The following KIDINS220 variants were observed in gnomAD, a reference collection of about 807,000 sequenced individuals.
KIDINS220 encodes the protein kinase D interacting substrate 220.
KIDINS220 carries 63 observed loss-of-function variants against 157.6 expected under a neutral mutation model. The ratio of observed to expected loss-of-function variants is 0.40; its 90% CI spans 0.33 to 0.49. The LOEUF (loss-of-function observed/expected upper bound fraction) is 0.49. KIDINS220 is among the 20% of genes least tolerant of loss of function. The pLI is 0.66. For synonymous variants in KIDINS220, 732 were observed against 783.6 expected (o/e 0.93, Z 1.10); for missense variants, 1,772 against 2,171.2 (o/e 0.82, Z 3.65).
At chr2:8,800,773 T>C (rs1305081558) in intron 8 of KIDINS220, among the ~76,000 whole-genome samples, 2 of 152,202 alleles carry the variant, frequency 1.3e-5, no homozygotes, top group African/African-American at 4.8e-5. Context: ...CAATAATCTA[T>C]TCTCTTTGAA....
chr2:8,783,450 A>C (rs1055541398), intron 17 of KIDINS220, among the ~76,000 whole-genome samples: 1 of 152,178 alleles, frequency 6.6e-6, no homozygotes, highest in African/African-American at 2.4e-5. Context: ...CCTTTTCAAC[A>C]TAGTACTGCA....
At chr2:8,801,848 A>G (rs1447188177) in intron 8 of KIDINS220, among the ~76,000 whole-genome samples, 1 of 152,232 alleles carries the variant, frequency 6.6e-6, no homozygotes, top group Non-Finnish European at 1.5e-5. Flanking sequence ...TTGAGGCCAC[A>G]GTGAGCTGTG....
intron 4 of KIDINS220, among the ~76,000 whole-genome samples, chr2:8,814,450 T>C (rs1264129480): frequency 1.3e-5 from 2 of 152,062 alleles, no homozygotes; most frequent in Admixed American, 6.6e-5. Context: ...GATAGATATA[T>C]AGATGAATGG....
At chr2:8,763,789 C>T (rs1212298286) in intron 22 of KIDINS220, among the ~76,000 whole-genome samples, 1 of 152,134 alleles carries the variant, frequency 6.6e-6, no homozygotes, top group Non-Finnish European at 1.5e-5. Flanking sequence ...AAAGCAACTC[C>T]ACCAGAATGT....
At chr2:8,789,174 T>C (rs1274186053) in intron 14 of KIDINS220, among the ~76,000 whole-genome samples, 3 of 68,586 alleles carry the variant, frequency 4.4e-5, no homozygotes, top group African/African-American at 2.1e-4. Flanking sequence ...ATAGGGATTA[T>C]ATTATATTTT....
chr2:8,728,109 G>A (rs1407761037), downstream of KIDINS220, among the ~76,000 whole-genome samples: 1 of 152,216 alleles, frequency 6.6e-6, no homozygotes, highest in Non-Finnish European at 1.5e-5. Flanking sequence ...TTGGGAGGCC[G>A]AGGAGGGAGG....
downstream of KIDINS220, among the ~76,000 whole-genome samples, chr2:8,727,980 A>G (rs1213058503): frequency 6.6e-6 from 1 of 152,200 alleles, no homozygotes; most frequent in Non-Finnish European, 1.5e-5. Flanking sequence ...CGGTGAATGA[A>G]TCTGGCTTAA....
At chr2:8,818,356 G>A (rs1043516188) in intron 3 of KIDINS220, among the ~76,000 whole-genome samples, 2 of 151,976 alleles carry the variant, frequency 1.3e-5, no homozygotes, top group Non-Finnish European at 2.9e-5. Context: ...GGCCATTATC[G>A]CATGTAATGA....
chr2:8,835,302 A>G (rs1033719151), intron 1 of KIDINS220, among the ~76,000 whole-genome samples: 9 of 152,152 alleles, frequency 5.9e-5, no homozygotes, highest in Non-Finnish European at 1.2e-4. Flanking sequence ...GACTTTGCCC[A>G]CCCACAGCCC....
Position 8,779,665 on chromosome 2 carries a change from C to CA in KIDINS220, c.2370+8dup, listed in dbSNP as rs754498672. ...AACAATGGTGGCTTTTGAGGTGGCG[C>CA]AAACGTACAGTGTCCAGCATCTGAA... On this transcript the variant is annotated intron_variant, in intron 18 of 29. Transcript: ENST00000256707. 3.7e-6 allele frequency: 6 copies of CA among 1,608,808 alleles called. No individual in the cohort carries two copies. In the East Asian group the frequency reaches 1.1e-4, roughly 30 times the overall value.
Position 8,778,884 on chromosome 2 carries a change from C to T in KIDINS220, c.2614+12G>A. 1 of 1,613,302 alleles carries T rather than the reference C, an allele frequency of 6.2e-7. No homozygotes were observed. The highest frequency in any genetic ancestry group is 8.5e-7 in the Non-Finnish European group (1 of 1,179,360). On this transcript the variant is annotated intron_variant, in intron 19 of 29. Coordinates refer to ENST00000256707, the MANE Select transcript of KIDINS220 (RefSeq NM_020738.4). ...TTTCAAACTCAAAGTACTTTAGGAG[C>T]CTGAGCTTTACCTGTAGTATCTGAG...
chr2:8,817,590 A>G, intron 4 of KIDINS220, 28 bp downstream of exon 4: 1 of 1,230,356 alleles, frequency 8.1e-7, no homozygotes, highest in Non-Finnish European at 1.2e-6. Flanking sequence ...GATTTCAGCT[A>G]ATTAAGAACA....
At chr2:8,762,322 C>T (rs1396753230) in intron 22 of KIDINS220, among the ~76,000 whole-genome samples, 3 of 152,114 alleles carry the variant, frequency 2.0e-5, no homozygotes, top group East Asian at 3.8e-4. Flanking sequence ...TTCATGTTGA[C>T]GTTAGAAACA....
chr2:8,829,888 A>T (rs1429357135), intron 1 of KIDINS220, among the ~76,000 whole-genome samples: 1 of 151,966 alleles, frequency 6.6e-6, no homozygotes, highest in Non-Finnish European at 1.5e-5. Context: ...CTAAGGCCTC[A>T]GTGAGGTTTG....
At position 8,789,907 on chromosome 2, in the gene KIDINS220, A is replaced by G. The variant is rs369544460; in HGVS notation, c.1594T>C (p.Phe532Leu). ...PNLGIAVSLS[F>L]LALLYIFFIV... ...AAGAATATATATAAGAGAGCCAAGA[A>G]GCTCAGTGACACTGCTATTCCAAGA... The change falls in exon 14 of 30, where the codon TTC (phenylalanine) becomes CTC (leucine). Residue 532 changes from phenylalanine (F) to leucine (L), a missense_variant. Physicochemically the swap from Phe to Leu is conservative, Grantham distance 22. Coordinates refer to ENST00000256707, the MANE Select transcript of KIDINS220 (RefSeq NM_020738.4). The G allele has an allele frequency of 1.4e-5, 23 of 1,610,926 alleles. No individual in the cohort carries two copies. The African/African-American group carries it at 2.9e-4, about 21-fold the overall frequency.
Position 8,786,201 on chromosome 2 carries a change from C to T in KIDINS220, c.1939+5G>A, listed in dbSNP as rs1456552360. 3.1e-6 allele frequency: 5 copies of T among 1,613,866 alleles called. No individual in the cohort carries two copies. In the Middle Eastern group the frequency reaches 4.9e-4, roughly 159 times the overall value. ...CACACAAAGAAGGAAGGAAGGAAAT[C>T]CTACCCTGAGTATCTTCAGTCTTGA... On this transcript the variant is annotated splice_donor_5th_base_variant and intron_variant, in intron 16 of 29. Coordinates refer to ENST00000256707, the MANE Select transcript of KIDINS220 (RefSeq NM_020738.4).
downstream of KIDINS220, chr2:8,722,888 A>T (rs532792052): frequency 6.6e-6 from 1 of 152,260 alleles, no homozygotes; most frequent in African/African-American, 2.4e-5. Context: ...CTGGAAATTT[A>T]TTTCGTTTCT....
chr2:8,799,320 G>C (rs1674378167), intron 9 of KIDINS220, among the ~76,000 whole-genome samples: 2 of 150,574 alleles, frequency 1.3e-5, no homozygotes, highest in African/African-American at 4.9e-5. Flanking sequence ...ACCCAGGCTA[G>C]AGTGCAATGG....
chr2:8,755,039 T>G (rs949172085), intron 22 of KIDINS220, among the ~76,000 whole-genome samples: 5 of 152,202 alleles, frequency 3.3e-5, no homozygotes, highest in Admixed American at 2.6e-4. Flanking sequence ...ACAGAACACT[T>G]TGGAGATTCT....
Sources: gnomAD v4.1 joint callset for allele counts (sites outside exome capture counted in the v4.1 genomes callset) on GRCh38, gnomAD v4.1.1 for gene constraint, MANE v1.5 for transcripts, NCBI Gene and HGNC (gene_info 2026-07-23, HGNC 2026-07-21) for gene names.